The following DYSF variants were observed in gnomAD, a reference collection of about 807,000 sequenced individuals.
DYSF encodes dystrophy-associated fer-1-like 1.
In DYSF, 212 loss-of-function variants were observed where a neutral mutation model predicts 274.9. The observed-to-expected ratio is 0.77, with a 90% CI of 0.69 to 0.86. The LOEUF is 0.86. DYSF is among the 40% of genes least tolerant of loss of function. DYSF has a pLI of 0.00. For synonymous variants in DYSF, 1,091 were observed against 1,078.7 expected (o/e 1.01, Z -0.22); for missense variants, 2,666 against 2,783.2 (o/e 0.96, Z 0.95).
chr2:71,672,394 G>A (rs1472958341), intron 51 of DYSF, among the ~76,000 whole-genome samples: 1 of 152,196 alleles, frequency 6.6e-6, no homozygotes, highest in Non-Finnish European at 1.5e-5. Context: ...GCCCTCTGCC[G>A]TGGGGTTCAG....
At position 71,519,552 on chromosome 2, in the gene DYSF, A is replaced by G. The variant is rs929802723; in HGVS notation, c.1003-626A>G. 7.2e-5 allele frequency among the ~76,000 whole-genome samples: 11 copies of G among 152,196 alleles called. No individual in the cohort carries two copies. In the East Asian group the frequency reaches 2.1e-3, roughly 29 times the overall value. On this transcript the variant is annotated intron_variant, in intron 10 of 55. Coordinates refer to ENST00000410020, the MANE Select transcript of DYSF (RefSeq NM_001130987.2). The stretch of plus-strand genomic sequence containing the variant: ...CAATCATCTGTGGATTTTTAATAGA[A>G]AATTGTAAAACACAGGAAGGAATAA...
intron 1 of DYSF, among the ~76,000 whole-genome samples, chr2:71,468,247 A>G (rs1202110677): frequency 1.3e-5 from 2 of 152,216 alleles, no homozygotes. Context: ...CCCTAAGGAC[A>G]CTGGGCAGGG....
intron 17 of DYSF, among the ~76,000 whole-genome samples, chr2:71,543,624 C>T (rs1030832930): frequency 3.3e-5 from 5 of 152,236 alleles, no homozygotes; most frequent in African/African-American, 1.2e-4. Flanking sequence ...CCTCAGGAGG[C>T]GGAGGCTGGC....
intron 6 of DYSF, among the ~76,000 whole-genome samples, 167 bp downstream of exon 6, chr2:71,513,499 T>A (rs895046999): frequency 2.6e-5 from 4 of 152,230 alleles, no homozygotes; most frequent in African/African-American, 7.2e-5. Flanking sequence ...GTTGACTAAC[T>A]GGACTGACTG....
intron 36 of DYSF, among the ~76,000 whole-genome samples, chr2:71,607,234 C>G (rs1207774381): frequency 2.6e-5 from 4 of 152,190 alleles, no homozygotes; most frequent in African/African-American, 9.6e-5. Context: ...AAGTGCATTT[C>G]AGACAGAGGG....
chr2:71,680,628 T>C (rs994347035), intron 53 of DYSF, among the ~76,000 whole-genome samples: 1 of 152,218 alleles, frequency 6.6e-6, no homozygotes, highest in Non-Finnish European at 1.5e-5. Context: ...TTGGCAGTCA[T>C]TAAAAACCGA....
rs759221355 is a variant in DYSF at position 71,535,231 on chromosome 2, G to C, written c.1450-37G>C. On this transcript the variant is annotated intron_variant, in intron 15 of 55. Coordinates refer to ENST00000410020, the MANE Select transcript of DYSF (RefSeq NM_001130987.2). ...GGGAGGGGCTGTTCTATCTTCAAAAGGACTCTTCTCCCAACACGCCTCTAT... is the reference window on the plus strand; with the variant it reads ...GGGAGGGGCTGTTCTATCTTCAAAACGACTCTTCTCCCAACACGCCTCTAT... The C allele has an allele frequency of 5.0e-6, 8 of 1,610,482 alleles. No individual in the cohort carries two copies. The Admixed American group carries it at 1.0e-4, about 20-fold the overall frequency.
upstream of DYSF, among the ~76,000 whole-genome samples, chr2:71,462,253 C>T (rs2081313795): frequency 6.6e-6 from 1 of 152,160 alleles, no homozygotes; most frequent in Non-Finnish European, 1.5e-5. Flanking sequence ...TGTGGTGGGG[C>T]AGGCAGCTCC....
chr2:71,632,386 C>T (rs572458177), intron 41 of DYSF, among the ~76,000 whole-genome samples: 13 of 152,316 alleles, frequency 8.5e-5, no homozygotes, highest in African/African-American at 3.1e-4. Flanking sequence ...AAAATGCATA[C>T]AGTAACTAGA....
intron 22 of DYSF, among the ~76,000 whole-genome samples, chr2:71,556,999 G>C (rs1162134880): frequency 6.6e-6 from 1 of 152,186 alleles, no homozygotes; most frequent in Non-Finnish European, 1.5e-5. Context: ...GCTCAGTTAG[G>C]AAGTGTATCT....
At chr2:71,601,131 G>A in intron 34 of DYSF, 2 of 588,154 alleles carry the variant, frequency 3.4e-6, no homozygotes, top group Non-Finnish European at 6.0e-6. Flanking sequence ...CACAATGTGA[G>A]GGACTCCAGG....
intron 52 of DYSF, 70 bp downstream of exon 52, chr2:71,674,366 C>T: frequency 1.4e-6 from 2 of 1,460,376 alleles, no homozygotes; most frequent in South Asian, 1.1e-5. Context: ...TGTGTTTATG[C>T]CACTGTTGGA....
intron 17 of DYSF, among the ~76,000 whole-genome samples, chr2:71,547,403 T>C (rs2090564294): frequency 6.6e-6 from 1 of 152,152 alleles, no homozygotes; most frequent in African/African-American, 2.4e-5. Context: ...ATCCCAGCAC[T>C]TTGGGAGGCT....
At chr2:71,573,020 A>ACAGT (rs1372449407) in intron 29 of DYSF, among the ~76,000 whole-genome samples, 4 of 152,320 alleles carry the variant, frequency 2.6e-5, no homozygotes, top group Non-Finnish European at 4.4e-5. Context: ...TGTGCACTGC[A>ACAGT]CAGCCTCTGT....
chr2:71,520,685 T>G, intron 11 of DYSF, 104 bp from the exon 12 acceptor site: 2 of 934,148 alleles, frequency 2.1e-6, no homozygotes, highest in Non-Finnish European at 3.5e-6. Flanking sequence ...GCCCAGCGGA[T>G]GAGTCCTTTA....
At chr2:71,601,403 A>G (rs2093547426) in intron 34 of DYSF, 96 bp from the exon 35 acceptor site, 1 of 1,518,250 alleles carries the variant, frequency 6.6e-7, no homozygotes, top group Non-Finnish European at 9.2e-7. Context: ...CAAACCATGG[A>G]CTGTCTGATC....
intron 24 of DYSF, among the ~76,000 whole-genome samples, chr2:71,565,086 CTT>C (rs376948916): frequency 3.4e-5 from 5 of 145,410 alleles, no homozygotes; most frequent in African/African-American, 2.5e-5. Context: ...TGCTCCTTAC[CTT>C]TTTTTTTTTT....
intron 28 of DYSF, 102 bp downstream of exon 28, chr2:71,570,436 C>T: frequency 7.0e-7 from 1 of 1,431,902 alleles, no homozygotes; most frequent in Non-Finnish European, 9.7e-7. Flanking sequence ...GGCTATTTCA[C>T]CCAGGGACGC....
intron 1 of DYSF, among the ~76,000 whole-genome samples, chr2:71,473,421 G>C (rs1364780534): frequency 6.6e-6 from 1 of 152,200 alleles, no homozygotes; most frequent in Non-Finnish European, 1.5e-5. Flanking sequence ...ATATCTGGGG[G>C]ATAAGCAAGA....
Sources: gnomAD v4.1 joint callset for allele counts (sites outside exome capture counted in the v4.1 genomes callset) on GRCh38, gnomAD v4.1.1 for gene constraint, MANE v1.5 for transcripts, NCBI Gene and HGNC (gene_info 2026-07-23, HGNC 2026-07-21) for gene names.